The following DSCAM variants were observed in gnomAD, a reference collection of about 807,000 sequenced individuals.
DSCAM encodes cell adhesion molecule DSCAM.
DSCAM carries 47 observed loss-of-function variants against 217.7 expected under a neutral mutation model. That is an observed-to-expected ratio of 0.22 (90% confidence interval 0.17 to 0.28). The LOEUF is 0.28. DSCAM is among the 10% of genes least tolerant of loss of function. The pLI, the probability that DSCAM is intolerant of heterozygous loss-of-function variation, is 1.00. For missense variants in DSCAM, 2,080 were observed against 2,618.3 expected (o/e 0.79, Z 4.49); for synonymous variants, 1,056 against 1,015.3 (o/e 1.04, Z -0.76).
chr21:40,552,386 G>C (rs535821608), intron 3 of DSCAM, among the ~76,000 whole-genome samples: 1 of 152,150 alleles, frequency 6.6e-6, no homozygotes, highest in African/African-American at 2.4e-5. Flanking sequence ...GTTCACAGAG[G>C]GAGTTAAGAA....
intron 1 of DSCAM, among the ~76,000 whole-genome samples, chr21:40,812,456 A>G (rs897024160): frequency 1.3e-5 from 2 of 152,168 alleles, no homozygotes; most frequent in African/African-American, 4.8e-5. Context: ...GCTCTCATCA[A>G]GAAATCACAC....
chr21:40,773,830 A>T (rs1165901886), intron 1 of DSCAM, among the ~76,000 whole-genome samples: 3 of 152,178 alleles, frequency 2.0e-5, no homozygotes, highest in Non-Finnish European at 2.9e-5. Context: ...TCTTGTAAGT[A>T]AGGGAATAAT....
chr21:40,475,575 G>A (rs1418425024), intron 3 of DSCAM, among the ~76,000 whole-genome samples: 6 of 152,212 alleles, frequency 3.9e-5, no homozygotes, highest in Admixed American at 6.5e-5. Context: ...CTGGCCGGGC[G>A]CAGTGGCTGC....
intron 3 of DSCAM, among the ~76,000 whole-genome samples, chr21:40,418,572 G>T (rs192698596): frequency 1.3e-5 from 2 of 152,088 alleles, no homozygotes; most frequent in African/African-American, 2.4e-5. Context: ...CAGGATTGCC[G>T]GTACTGAAGG....
chr21:40,289,643 C>T (rs1490131197), intron 10 of DSCAM, among the ~76,000 whole-genome samples: 2 of 152,072 alleles, frequency 1.3e-5, no homozygotes, highest in East Asian at 3.9e-4. Context: ...TATTCTAGTA[C>T]TCATAATTTT....
At chr21:40,173,956 C>T in intron 15 of DSCAM, among the ~76,000 whole-genome samples, 1 of 152,166 alleles carries the variant, frequency 6.6e-6, no homozygotes, top group East Asian at 1.9e-4. Context: ...AGGGGGCAGC[C>T]ATCCCAAACT....
intron 3 of DSCAM, among the ~76,000 whole-genome samples, chr21:40,497,397 T>C (rs2076127359): frequency 6.7e-6 from 1 of 149,814 alleles, no homozygotes; most frequent in African/African-American, 2.4e-5. Flanking sequence ...CTGCTTGATC[T>C]CATATGTGAA....
chr21:40,627,712 C>T (rs1385910492), intron 3 of DSCAM, among the ~76,000 whole-genome samples: 3 of 152,214 alleles, frequency 2.0e-5, no homozygotes, highest in Non-Finnish European at 4.4e-5. Context: ...CACAGCACAT[C>T]TGTTAGTAGA....
At chr21:40,782,341 T>G (rs2091554426) in intron 1 of DSCAM, among the ~76,000 whole-genome samples, 1 of 152,234 alleles carries the variant, frequency 6.6e-6, no homozygotes, top group African/African-American at 2.4e-5. Context: ...GAATCGGTAA[T>G]GGGCTTTCAT....
chr21:40,514,125 C>G (rs1199758747), intron 3 of DSCAM, among the ~76,000 whole-genome samples: 1 of 152,174 alleles, frequency 6.6e-6, no homozygotes, highest in Non-Finnish European at 1.5e-5. Context: ...AAAATGAAAG[C>G]AACCTCCCAA....
At chr21:40,817,551 C>T (rs1308175358) in intron 1 of DSCAM, among the ~76,000 whole-genome samples, 1 of 152,110 alleles carries the variant, frequency 6.6e-6, no homozygotes, top group Non-Finnish European at 1.5e-5. Flanking sequence ...TCATCCATAA[C>T]AAGTGTTTAA....
chr21:40,229,544 T>C (rs2091362394), intron 11 of DSCAM, among the ~76,000 whole-genome samples: 2 of 152,242 alleles, frequency 1.3e-5, no homozygotes, highest in African/African-American at 4.8e-5. Context: ...TAACAACCAC[T>C]GATCTGCTTC....
At chr21:40,059,771 A>C (rs1452320679) in intron 28 of DSCAM, among the ~76,000 whole-genome samples, 1 of 152,240 alleles carries the variant, frequency 6.6e-6, no homozygotes, top group Non-Finnish European at 1.5e-5. Flanking sequence ...GCTTATGGCC[A>C]CATGGGGCCT....
At chr21:40,056,191 G>A (rs2089019148) in intron 28 of DSCAM, among the ~76,000 whole-genome samples, 1 of 152,322 alleles carries the variant, frequency 6.6e-6, no homozygotes, top group African/African-American at 2.4e-5. Flanking sequence ...TCAGATGTGA[G>A]ATATTCCAGT....
chr21:40,086,643 TCTCA>T (rs2089536142), intron 22 of DSCAM, among the ~76,000 whole-genome samples: 1 of 152,276 alleles, frequency 6.6e-6, no homozygotes, highest in Admixed American at 6.5e-5. Context: ...ACAGACCATA[TCTCA>T]CTCACTCTCT....
chr21:40,344,857 C>T (rs951807202), intron 6 of DSCAM, among the ~76,000 whole-genome samples: 1 of 152,068 alleles, frequency 6.6e-6, no homozygotes, highest in African/African-American at 2.4e-5. Flanking sequence ...CTTTTTTCTT[C>T]TGCATTCCGT....
At chr21:40,455,183 G>T (rs2075753219) in intron 3 of DSCAM, among the ~76,000 whole-genome samples, 1 of 152,140 alleles carries the variant, frequency 6.6e-6, no homozygotes, top group Admixed American at 6.5e-5. Context: ...CAGGTTCAGA[G>T]AAGCACTGGA....
chr21:40,428,925 T>G (rs2075503185), intron 3 of DSCAM, among the ~76,000 whole-genome samples: 1 of 152,100 alleles, frequency 6.6e-6, no homozygotes, highest in South Asian at 2.1e-4. Context: ...GTATGAAAAC[T>G]TTGCATTTTA....
chr21:40,350,905 T>TTA (rs61391000), intron 5 of DSCAM, among the ~76,000 whole-genome samples: 3 of 142,976 alleles, frequency 2.1e-5, no homozygotes, highest in Non-Finnish European at 1.5e-5. Context: ...TTTTTTTTTT[T>TTA]AGAATTGGGG....
Sources: allele counts gnomAD v4.1 joint callset (sites outside exome capture counted in the v4.1 genomes callset), GRCh38; gene constraint gnomAD v4.1.1; transcripts MANE v1.5; gene names NCBI Gene and HGNC (gene_info 2026-07-23, HGNC 2026-07-21).